The following STK32B variants were observed in gnomAD, a reference collection of about 807,000 sequenced individuals.
STK32B encodes serine/threonine kinase 32B, also known as serine/threonine-protein kinase 32B.
A neutral mutation model predicts 52.6 loss-of-function variants in STK32B; 43 were observed. That is an observed-to-expected ratio of 0.82 (90% CI 0.64 to 1.05). The LOEUF (loss-of-function observed/expected upper bound fraction) is 1.05. STK32B is among the 50% of genes least tolerant of loss of function. STK32B has a pLI of 0.00. For synonymous variants in STK32B, 238 were observed against 204.3 expected, an observed-to-expected ratio of 1.17 and a Z score of -1.41; for missense variants, 621 against 534.6, an observed-to-expected ratio of 1.16 and a Z score of -1.59.
Position 5,190,305 on chromosome 4 carries a change from ACT to A in STK32B, c.260+21858_260+21859del, listed in dbSNP as rs1428022739. Among the ~76,000 whole-genome samples, 4 of 152,182 alleles carry A rather than the reference ACT, an allele frequency of 2.6e-5. No homozygotes were observed. The East Asian group carries it at 7.7e-4, about 29-fold the overall frequency. On this transcript the variant is annotated intron_variant, in intron 3 of 11. Transcript: ENST00000282908. ...ATTAAGCACTTATGGGGTATCTGAC[ACT>A]CTGCCAAAATTTCACAGGCATCATC...
chr4:5,166,919 A>C (rs58044980), intron 2 of STK32B, among the ~76,000 whole-genome samples: 3 of 151,790 alleles, frequency 2.0e-5, no homozygotes, highest in Non-Finnish European at 4.4e-5. Context: ...AATCCTTGCT[A>C]ACTGTCCAAG....
At chr4:5,222,956 C>T (rs746442026) in intron 3 of STK32B, among the ~76,000 whole-genome samples, 5 of 152,074 alleles carry the variant, frequency 3.3e-5, no homozygotes, top group Non-Finnish European at 7.4e-5. Flanking sequence ...ATAGCCGTAC[C>T]CATCACAGGC....
chr4:5,435,768 A>T (rs1457234200), intron 6 of STK32B: 1 of 152,194 alleles, frequency 6.6e-6, no homozygotes, highest in Non-Finnish European at 1.5e-5. Context: ...GAGTCAAGAG[A>T]AAAGGGAGAC....
At position 5,051,500 on chromosome 4, in the gene STK32B, C is replaced by T. The variant is rs995195856; in HGVS notation, c.-364C>T. 1.3e-5 allele frequency: 4 copies of T among 298,208 alleles called. No individual in the cohort carries two copies. Among genetic ancestry groups the T allele is most frequent in the Admixed American group, 1.1e-4 (2 of 18,158 alleles). The allele number at this position is 298,208 out of a possible 1,614,324, so 18.5% of individuals were successfully genotyped here. A position where few individuals can be genotyped will look rare whatever the true frequency, so the allele number is the denominator to read the frequency against. ...CGCTCCTTCCCCTCCTTCCCCTGCT[C>T]CCGCGCCGCCTCGCGTCTCCCGCCC... On this transcript the variant is annotated 5_prime_UTR_variant, in exon 1 of 12. Transcript: ENST00000282908.
chr4:5,242,662 T>C (rs1334940216), intron 3 of STK32B, among the ~76,000 whole-genome samples: 1 of 152,206 alleles, frequency 6.6e-6, no homozygotes, highest in Admixed American at 6.5e-5. Context: ...CATGCCTATG[T>C]CCTGAATGGT....
chr4:5,327,115 A>T (rs1404007232), intron 3 of STK32B, among the ~76,000 whole-genome samples: 2 of 152,110 alleles, frequency 1.3e-5, no homozygotes, highest in Non-Finnish European at 2.9e-5. Context: ...GTGAGATGGC[A>T]GCAATTTAGT....
chr4:5,111,787 C>T (rs576886680), intron 1 of STK32B, among the ~76,000 whole-genome samples: 27 of 152,184 alleles, frequency 1.8e-4, no homozygotes, highest in Non-Finnish European at 3.1e-4. Flanking sequence ...GTATGGACCT[C>T]CTTGATGATT....
At chr4:5,246,467 C>A (rs569930144) in intron 3 of STK32B, among the ~76,000 whole-genome samples, 1 of 152,130 alleles carries the variant, frequency 6.6e-6, no homozygotes, top group Non-Finnish European at 1.5e-5. Context: ...TCTAGTTATC[C>A]ATTTGTCTAA....
At chr4:5,280,711 A>G (rs535329520) in intron 3 of STK32B, among the ~76,000 whole-genome samples, 4 of 152,216 alleles carry the variant, frequency 2.6e-5, no homozygotes, top group South Asian at 4.1e-4. Flanking sequence ...CCTGGCCAAC[A>G]TGGTAAAACC....
Position 5,498,072 on chromosome 4 carries a change from G to A in STK32B, c.1107-873G>A, listed in dbSNP as rs549806069. 8.5e-5 allele frequency among the ~76,000 whole-genome samples: 13 copies of A among 152,254 alleles called. No individual in the cohort carries two copies. In the South Asian group the frequency reaches 2.5e-3, roughly 29 times the overall value. On this transcript the variant is annotated intron_variant, in intron 11 of 11. Transcript: ENST00000282908. ...CCCTAGTTTTACATAAGAAAGCTGAGGCTAAAAAGATAAAGTGACTTGACT... is the reference window on the plus strand; with the variant it reads ...CCCTAGTTTTACATAAGAAAGCTGAAGCTAAAAAGATAAAGTGACTTGACT...
At chr4:5,220,451 G>T (rs1323513216) in intron 3 of STK32B, among the ~76,000 whole-genome samples, 1 of 152,184 alleles carries the variant, frequency 6.6e-6, no homozygotes, top group Admixed American at 6.5e-5. Context: ...TAAGGCTTCT[G>T]GATGAAATTG....
intron 4 of STK32B, among the ~76,000 whole-genome samples, chr4:5,387,880 G>T (rs1736358318): frequency 6.6e-6 from 1 of 152,264 alleles, no homozygotes; most frequent in Non-Finnish European, 1.5e-5. Context: ...GAGTAGCCAG[G>T]ATTACAGGCT....
intron 3 of STK32B, among the ~76,000 whole-genome samples, chr4:5,188,989 G>A (rs969997594): frequency 8.6e-5 from 13 of 150,858 alleles, no homozygotes; most frequent in African/African-American, 2.7e-4. Context: ...TTGTGCACGT[G>A]TACCCTAGAA....
intron 3 of STK32B, among the ~76,000 whole-genome samples, chr4:5,171,620 A>G: frequency 1.3e-5 from 2 of 150,742 alleles, no homozygotes; most frequent in African/African-American, 4.8e-5. Context: ...ATAGTTGTAG[A>G]TACATGGCAT....
chr4:5,283,009 G>A (rs532694613), intron 3 of STK32B, among the ~76,000 whole-genome samples: 3 of 152,190 alleles, frequency 2.0e-5, no homozygotes, highest in South Asian at 4.2e-4. Flanking sequence ...TGTTCCATGG[G>A]TCTCAAAACC....
chr4:5,281,311 G>A (rs1728183397), intron 3 of STK32B, among the ~76,000 whole-genome samples: 1 of 152,100 alleles, frequency 6.6e-6, no homozygotes, highest in Admixed American at 6.6e-5. Flanking sequence ...ATAATAACAT[G>A]ATGTCCATTC....
chr4:5,355,724 T>TG (rs1260613294), intron 4 of STK32B, among the ~76,000 whole-genome samples: 1 of 152,132 alleles, frequency 6.6e-6, no homozygotes, highest in Non-Finnish European at 1.5e-5. Flanking sequence ...CATCATCAAA[T>TG]GTGCTCCAGA....
At chr4:5,168,210 A>T (rs1271796371) in intron 2 of STK32B, 89 bp from the exon 3 acceptor site, 2 of 1,492,546 alleles carry the variant, frequency 1.3e-6, no homozygotes, top group African/African-American at 1.4e-5. Flanking sequence ...GTGAATCCAG[A>T]AGTAAAAATG....
intron 2 of STK32B, among the ~76,000 whole-genome samples, chr4:5,161,332 G>A (rs1718428477): frequency 6.6e-6 from 1 of 152,168 alleles, no homozygotes; most frequent in South Asian, 2.1e-4. Context: ...CAAAAAACCT[G>A]CCTCATGGTG....
Sources: gnomAD v4.1 joint callset for allele counts (sites outside exome capture counted in the v4.1 genomes callset) on GRCh38, gnomAD v4.1.1 for gene constraint, MANE v1.5 for transcripts, NCBI Gene and HGNC (gene_info 2026-07-23, HGNC 2026-07-21) for gene names.